Variants in PTK2 observed in about 807,000 individuals in gnomAD.
The protein encoded by PTK2 is protein tyrosine kinase 2.
Under a neutral mutation model 150.1 loss-of-function variants are expected in PTK2, and 45 were observed. The observed-to-expected ratio is 0.30, with a 90% CI of 0.24 to 0.38. The LOEUF (loss-of-function observed/expected upper bound fraction) is 0.38. PTK2 is among the 10% of genes least tolerant of loss of function. The pLI is 1.00. For missense variants in PTK2, 919 were observed against 1,307.3 expected, an observed-to-expected ratio of 0.70 and a Z score of 4.58; for synonymous variants, 432 against 449.2, an observed-to-expected ratio of 0.96 and a Z score of 0.48.
intron 1 of PTK2, among the ~76,000 whole-genome samples, chr8:140,992,345 C>T (rs1172510187): frequency 6.6e-6 from 1 of 151,834 alleles, no homozygotes; most frequent in African/African-American, 2.4e-5. Context: ...TGGCATACCC[C>T]TGTAGTCCCA....
intron 14 of PTK2, among the ~76,000 whole-genome samples, chr8:140,784,280 T>G (rs183531553): frequency 1.3e-5 from 2 of 152,310 alleles, no homozygotes; most frequent in East Asian, 3.9e-4. Context: ...ATGAGAAAAC[T>G]TGTATTATCT....
At chr8:140,798,349 T>G (rs1413430340) in intron 12 of PTK2, among the ~76,000 whole-genome samples, 2 of 152,164 alleles carry the variant, frequency 1.3e-5, no homozygotes, top group Non-Finnish European at 2.9e-5. Context: ...GATGAAATAG[T>G]TATATAATAC....
intron 14 of PTK2, among the ~76,000 whole-genome samples, chr8:140,768,332 G>A (rs1381667663): frequency 6.6e-6 from 1 of 152,200 alleles, no homozygotes; most frequent in African/African-American, 2.4e-5. Context: ...AAGTACACTT[G>A]CCCTGGCTAA....
At chr8:140,860,873 C>A (rs560393216) in intron 5 of PTK2, among the ~76,000 whole-genome samples, 2 of 152,052 alleles carry the variant, frequency 1.3e-5, no homozygotes, top group Non-Finnish European at 2.9e-5. Context: ...AATACTAGCA[C>A]GGAAAAACAA....
chr8:140,667,943 A>G (rs1157711275), intron 30 of PTK2, among the ~76,000 whole-genome samples: 1 of 152,180 alleles, frequency 6.6e-6, no homozygotes, highest in Admixed American at 6.5e-5. Context: ...GTTTACATAA[A>G]TGGCATCATA....
rs375878455 is a variant in PTK2 at position 140,738,072 on chromosome 8, G to T, written c.1825+946C>A. On this transcript the variant is annotated intron_variant, in intron 21 of 31. Coordinates refer to ENST00000522684, the Ensembl canonical transcript of PTK2. ...TATTTTTATTTATAGGAGAAAAAAG[G>T]TACATAATCTTAACAGGGCATCTCC... Among the ~76,000 whole-genome samples, 11 of 152,292 alleles carry T rather than the reference G, an allele frequency of 7.2e-5. No individual in the cohort carries two copies. In the South Asian group the frequency reaches 1.0e-3, roughly 14 times the overall value.
At chr8:140,735,811 CTATTTA>C (rs2100052264) in intron 21 of PTK2, among the ~76,000 whole-genome samples, 1 of 152,188 alleles carries the variant, frequency 6.6e-6, no homozygotes, top group African/African-American at 2.4e-5. Flanking sequence ...TTGGTCTCAT[CTATTTA>C]TAATTAGAGC....
intron 1 of PTK2, chr8:140,983,700 A>T (rs1207173745): frequency 8.0e-6 from 1 of 125,508 alleles, no homozygotes; most frequent in African/African-American, 2.9e-5. Flanking sequence ...GAAAGGAGGA[A>T]GGAGGGAAGG....
At chr8:140,797,980 G>A (rs1394204812) in intron 12 of PTK2, among the ~76,000 whole-genome samples, 1 of 152,004 alleles carries the variant, frequency 6.6e-6, no homozygotes, top group Non-Finnish European at 1.5e-5. Context: ...TAAATCCAAA[G>A]TAACTATGGT....
intron 1 of PTK2, among the ~76,000 whole-genome samples, chr8:140,943,087 A>G (rs2100176412): frequency 6.6e-6 from 1 of 152,166 alleles, no homozygotes; most frequent in African/African-American, 2.4e-5. Context: ...CAGAACAGTG[A>G]GCCGATTAAA....
At chr8:140,979,010 C>CA (rs1258175179) in intron 1 of PTK2, among the ~76,000 whole-genome samples, 1 of 146,292 alleles carries the variant, frequency 6.8e-6, no homozygotes. Flanking sequence ...ATCGCAAGGA[C>CA]AAAAAAACCA....
At chr8:140,940,764 A>T (rs1193261302) in intron 1 of PTK2, 1 of 152,072 alleles carries the variant, frequency 6.6e-6, no homozygotes, top group Non-Finnish European at 1.5e-5. Flanking sequence ...ATCACCTGAG[A>T]TCAGGAGTTC....
At chr8:140,878,234 C>T (rs1223340340) in intron 4 of PTK2, among the ~76,000 whole-genome samples, 1 of 152,168 alleles carries the variant, frequency 6.6e-6, no homozygotes, top group Non-Finnish European at 1.5e-5. Context: ...GTACCAGCTA[C>T]CTGACAAATT....
At position 140,875,282 on chromosome 8, in the gene PTK2, A is replaced by C. The variant is rs75220991; in HGVS notation, c.362+4189T>G. The stretch of plus-strand genomic sequence containing the variant: ...AAAGTTGTAAACGATAAAGGAAAAA[A>C]GGGAGGTGAGACAAAGAAAGCGTTA... On this transcript the variant is annotated intron_variant, in intron 4 of 31. Coordinates refer to ENST00000522684, the Ensembl canonical transcript of PTK2. Among the ~76,000 whole-genome samples, 1,090 of 152,346 alleles carry C rather than the reference A, an allele frequency of 7.2e-3. 24 individuals are homozygous for C. The East Asian group carries it at 0.094, about 13-fold the overall frequency.
At chr8:140,877,024 CCTT>C in intron 4 of PTK2, among the ~76,000 whole-genome samples, 1 of 130,324 alleles carries the variant, frequency 7.7e-6, no homozygotes, top group African/African-American at 2.9e-5. Context: ...TTTCACTAAT[CCTT>C]TTTTTTTTTT....
At chr8:140,834,798 A>G (rs757876253) in intron 7 of PTK2, among the ~76,000 whole-genome samples, 6 of 152,200 alleles carry the variant, frequency 3.9e-5, no homozygotes, top group Non-Finnish European at 7.3e-5. Context: ...CTTAATGTTT[A>G]ACTGACCTCT....
chr8:140,914,459 A>T (rs1206488037), intron 2 of PTK2, among the ~76,000 whole-genome samples: 2 of 151,832 alleles, frequency 1.3e-5, no homozygotes, highest in African/African-American at 2.4e-5. Context: ...TCAGGGGTAC[A>T]CATGAAGGTT....
intron 2 of PTK2, among the ~76,000 whole-genome samples, chr8:140,894,465 G>C (rs985715593): frequency 6.6e-6 from 1 of 152,082 alleles, no homozygotes; most frequent in Non-Finnish European, 1.5e-5. Context: ...AAAGTATTAG[G>C]AAACACCTAA....
chr8:140,697,852 GTTTTT>G (rs71308981), intron 26 of PTK2, among the ~76,000 whole-genome samples: 13 of 48,026 alleles, frequency 2.7e-4, no homozygotes, highest in East Asian at 1.8e-3. Context: ...AGGGTTTACT[GTTTTT>G]TTTTTTTTTT....
Sources: allele counts gnomAD v4.1 joint callset (sites outside exome capture counted in the v4.1 genomes callset), GRCh38; gene constraint gnomAD v4.1.1; transcripts MANE v1.5; gene names NCBI Gene and HGNC (gene_info 2026-07-23, HGNC 2026-07-21).